Variants in FOXP2 observed in about 807,000 individuals in gnomAD.
FOXP2 encodes forkhead box protein P2.
A neutral mutation model predicts 115.8 loss-of-function variants in FOXP2; 12 were observed. The observed-to-expected ratio is 0.10, with a 90% CI of 0.07 to 0.17. The LOEUF (loss-of-function observed/expected upper bound fraction) is 0.17, where lower values mean the gene tolerates loss of function less well. FOXP2 is among the 10% of genes least tolerant of loss of function. FOXP2 has a pLI of 1.00. For synonymous variants in FOXP2, 328 were observed against 297.7 expected (o/e 1.10, Z -1.05); for missense variants, 629 against 843.5 (o/e 0.75, Z 3.15).
At chr7:114,238,718 G>A (rs922377557) in intron 1 of FOXP2, among the ~76,000 whole-genome samples, 2 of 151,898 alleles carry the variant, frequency 1.3e-5, no homozygotes, top group Non-Finnish European at 2.9e-5. Context: ...GCTGCAGTGA[G>A]CCAAGATCAT....
intron 3 of FOXP2, among the ~76,000 whole-genome samples, chr7:114,582,264 C>G (rs1801910418): frequency 6.6e-6 from 1 of 152,132 alleles, no homozygotes; most frequent in South Asian, 2.1e-4. Context: ...GATGAGCAAA[C>G]TCATAGTTAG....
At chr7:114,565,451 C>T (rs542690762) in intron 3 of FOXP2, among the ~76,000 whole-genome samples, 63 of 152,220 alleles carry the variant, frequency 4.1e-4, no homozygotes, top group African/African-American at 1.5e-3. Context: ...TTCTAAACCA[C>T]AATAATCAAG....
intron 3 of FOXP2, among the ~76,000 whole-genome samples, chr7:114,623,868 C>G (rs889759076): frequency 6.6e-6 from 1 of 151,866 alleles, no homozygotes; most frequent in African/African-American, 2.4e-5. Flanking sequence ...TCCTGTCACA[C>G]TATTTCCCTG....
intron 16 of FOXP2, among the ~76,000 whole-genome samples, chr7:114,682,780 A>T (rs977696038): frequency 3.3e-5 from 5 of 152,182 alleles, no homozygotes; most frequent in Non-Finnish European, 5.9e-5. Context: ...ATATAACTTG[A>T]CAAGTGAAAA....
At chr7:114,150,958 G>A (rs1279067062) in intron 1 of FOXP2, among the ~76,000 whole-genome samples, 1 of 151,916 alleles carries the variant, frequency 6.6e-6, no homozygotes, top group East Asian at 1.9e-4. Context: ...GCTGAGAAAA[G>A]GCAGTTACAA....
chr7:114,143,593 A>G (rs1792285394), intron 1 of FOXP2, among the ~76,000 whole-genome samples: 1 of 152,152 alleles, frequency 6.6e-6, no homozygotes, highest in African/African-American at 2.4e-5. Flanking sequence ...CTTCATTTTA[A>G]CATATACTTC....
chr7:114,180,866 T>G (rs1793437629), intron 1 of FOXP2, among the ~76,000 whole-genome samples: 1 of 152,004 alleles, frequency 6.6e-6, no homozygotes, highest in African/African-American at 2.4e-5. Flanking sequence ...TTTACTCAAT[T>G]CTTTATACCC....
At chr7:114,317,963 C>T (rs892706054) in intron 2 of FOXP2, among the ~76,000 whole-genome samples, 2 of 152,092 alleles carry the variant, frequency 1.3e-5, no homozygotes, top group African/African-American at 4.8e-5. Flanking sequence ...GCATGGCTAA[C>T]TCCCATCAGC....
intron 3 of FOXP2, among the ~76,000 whole-genome samples, chr7:114,624,230 T>C (rs1804406087): frequency 6.6e-6 from 1 of 151,910 alleles, no homozygotes; most frequent in African/African-American, 2.4e-5. Context: ...GAGCAGATAC[T>C]GTAACATAAG....
chr7:114,507,971 A>G (rs1360205702), intron 2 of FOXP2, among the ~76,000 whole-genome samples: 1 of 152,006 alleles, frequency 6.6e-6, no homozygotes, highest in African/African-American at 2.4e-5. Context: ...AAATGATAAC[A>G]TTCAGCATTC....
At chr7:114,641,591 A>AT (rs1316533171) in intron 6 of FOXP2, among the ~76,000 whole-genome samples, 11 of 151,622 alleles carry the variant, frequency 7.3e-5, no homozygotes, top group Non-Finnish European at 1.0e-4. Context: ...CAAATCTCCT[A>AT]TTTTTTTGAG....
chr7:114,113,703 T>C (rs1246167081), intron 1 of FOXP2, among the ~76,000 whole-genome samples: 3 of 152,050 alleles, frequency 2.0e-5, no homozygotes, highest in Non-Finnish European at 4.4e-5. Flanking sequence ...GGGGTCTTGC[T>C]ATGTTGTCTA....
intron 1 of FOXP2, among the ~76,000 whole-genome samples, chr7:114,212,126 T>A (rs903377098): frequency 1.4e-4 from 16 of 110,886 alleles, no homozygotes; most frequent in Non-Finnish European, 3.3e-4. Flanking sequence ...AAATAAAATA[T>A]ATATATATAT....
At chr7:114,506,050 AG>A (rs201205638) in intron 2 of FOXP2, among the ~76,000 whole-genome samples, 3,162 of 151,782 alleles carry the variant, frequency 0.021, 59 homozygotes, top group South Asian at 0.076. Context: ...AACAAAAAAA[AG>A]CTAATACCAG....
intron 3 of FOXP2, among the ~76,000 whole-genome samples, chr7:114,547,280 GT>G (rs1173208437): frequency 6.6e-6 from 1 of 151,796 alleles, no homozygotes; most frequent in Admixed American, 6.6e-5. Context: ...TATATCTTCT[GT>G]TTTATGAATT....
intron 16 of FOXP2, among the ~76,000 whole-genome samples, chr7:114,683,575 A>T (rs1047225373): frequency 2.0e-5 from 3 of 152,198 alleles, no homozygotes; most frequent in Non-Finnish European, 4.4e-5. Flanking sequence ...AAATGCTTTG[A>T]AGGTTCAGAG....
chr7:114,102,041 C>T lies in FOXP2; in HGVS notation c.-247+14203C>T, dbSNP rs1301250960. On this transcript the variant is annotated intron_variant, in intron 1 of 19. Coordinates refer to the FOXP2 transcript ENST00000635638. ...ATCATCCCTTAGTTAATATTTTTTC[C>T]ATACCTAAATTAGATCTTGAAGTGT... Among the ~76,000 whole-genome samples, 5 of 151,192 alleles carry T rather than the reference C, an allele frequency of 3.3e-5. No individual in the cohort carries two copies. The South Asian group carries it at 1.0e-3, about 32-fold the overall frequency.
chr7:114,544,314 GC>G (rs1478034268), intron 3 of FOXP2, among the ~76,000 whole-genome samples: 2 of 151,640 alleles, frequency 1.3e-5, no homozygotes, highest in African/African-American at 4.8e-5. Flanking sequence ...CCCCCACCCT[GC>G]CCCCACCCAG....
intron 2 of FOXP2, among the ~76,000 whole-genome samples, chr7:114,440,771 A>T (rs1261268270): frequency 6.6e-6 from 1 of 152,198 alleles, no homozygotes; most frequent in East Asian, 1.9e-4. Context: ...TACAGAGACT[A>T]AGCTTGATCC....
Sources: allele counts gnomAD v4.1 joint callset (sites outside exome capture counted in the v4.1 genomes callset), GRCh38; gene constraint gnomAD v4.1.1; transcripts MANE v1.5; gene names NCBI Gene and HGNC (gene_info 2026-07-23, HGNC 2026-07-21).